Variants in NSD1 observed in about 807,000 individuals in gnomAD.
NSD1 encodes the protein nuclear receptor binding SET domain protein 1.
In NSD1, 26 loss-of-function variants were observed where a neutral mutation model predicts 242.7. That is an observed-to-expected ratio of 0.11 (90% CI 0.08 to 0.15). The LOEUF is 0.15. Among genes scored for constraint, NSD1 ranks in the 10% least tolerant of loss-of-function variants. The probability of loss-of-function intolerance (pLI) is 1.00; values close to 1 mark genes in which losing one functional copy is unlikely to be tolerated. For synonymous variants in NSD1, 1,106 were observed against 1,178.1 expected, an observed-to-expected ratio of 0.94 and a Z score of 1.25; for missense variants, 2,495 against 3,272.8, an observed-to-expected ratio of 0.76 and a Z score of 5.80.
At chr5:177,213,293 A>C (rs1193304004) in intron 5 of NSD1, among the ~76,000 whole-genome samples, 2 of 152,206 alleles carry the variant, frequency 1.3e-5, no homozygotes, top group Non-Finnish European at 2.9e-5. Context: ...TTTTTCTCTA[A>C]CAGCTTTATT....
intron 2 of NSD1, among the ~76,000 whole-genome samples, chr5:177,158,821 C>CAAAAAAAAAAAAAAAAAAAAAAAAAA (rs57206832): frequency 1.2e-5 from 1 of 80,336 alleles, no homozygotes; most frequent in Non-Finnish European, 2.4e-5. Context: ...GACTTCATCT[C>CAAAAAAAAAAAAAAAAAAAAAAAAAA]AAAAAAAAAA....
chr5:177,282,182 T>C (rs2127259800), intron 18 of NSD1, among the ~76,000 whole-genome samples: 1 of 152,322 alleles, frequency 6.6e-6, no homozygotes, highest in Middle Eastern at 3.4e-3. Context: ...CATCCATCTC[T>C]CTTTATAAGG....
intron 14 of NSD1, among the ~76,000 whole-genome samples, chr5:177,261,236 A>ATTTTTTTTTTTTTTTTTTTTTTTTTTTT (rs10652091): frequency 1.3e-5 from 1 of 74,754 alleles, no homozygotes; most frequent in Non-Finnish European, 2.8e-5. Context: ...TGCCCCACTA[A>ATTTTTTTTTTTTTTTTTTTTTTTTTTTT]TTTTTTTTTT....
At chr5:177,156,154 T>C (rs1489192748) in intron 2 of NSD1, among the ~76,000 whole-genome samples, 1 of 151,004 alleles carries the variant, frequency 6.6e-6, no homozygotes, top group Admixed American at 6.6e-5. Flanking sequence ...TCCTCCGTAC[T>C]CTTCCCTCGC....
At chr5:177,248,998 C>T (rs182549784) in intron 11 of NSD1, among the ~76,000 whole-genome samples, 5 of 152,198 alleles carry the variant, frequency 3.3e-5, no homozygotes, top group East Asian at 1.9e-4. Flanking sequence ...CTTTAAGCTC[C>T]GTTGGACTTG....
Position 177,298,657 on chromosome 5 carries a change from C to G in NSD1, c.*3198C>G, listed in dbSNP as rs567957985. ...ATTTTATTCTTTACATCCTTCACCCCACACTATGGTCAGGGCATGAAACAC... is the reference window on the plus strand; with the variant it reads ...ATTTTATTCTTTACATCCTTCACCCGACACTATGGTCAGGGCATGAAACAC... On this transcript the variant is annotated 3_prime_UTR_variant, in exon 23 of 23. Transcript: ENST00000439151. 1 of 233,306 alleles carries G rather than the reference C, an allele frequency of 4.3e-6. No individual in the cohort carries two copies. Among genetic ancestry groups the G allele is most frequent in the African/African-American group, 2.2e-5 (1 of 45,462 alleles). 14.5% of individuals were successfully genotyped at this position (233,306 alleles called of 1,614,324 possible).
chr5:177,265,592 G>T, intron 14 of NSD1: 1 of 1,314,392 alleles, frequency 7.6e-7, no homozygotes, highest in Non-Finnish European at 1.1e-6. Flanking sequence ...GTAGTCTGTG[G>T]AGCAGGACAG....
chr5:177,153,836 C>T (rs577851618), intron 2 of NSD1, among the ~76,000 whole-genome samples: 126 of 152,054 alleles, frequency 8.3e-4, no homozygotes, highest in Non-Finnish European at 1.5e-3. Context: ...AGTGTTTTTA[C>T]GACAATTTTT....
chr5:177,240,876 A>G (rs1390609050), intron 8 of NSD1, among the ~76,000 whole-genome samples: 3 of 151,646 alleles, frequency 2.0e-5, no homozygotes, highest in African/African-American at 7.3e-5. Context: ...AACCCCAGAA[A>G]ATGGTGTGGT....
In NSD1 at chr5:177,294,799, A is replaced by G. The variant is rs1393649961; in HGVS notation, c.7431A>G (p.Pro2477=). Reference sequence around the variant, plus strand: ...CAGCTTCACCTCATCAGGTCACACCACAGGCTGATGAGAAGATGCCAGTGT... The same window carrying G: ...CAGCTTCACCTCATCAGGTCACACCGCAGGCTGATGAGAAGATGCCAGTGT... ...ERAASPHQVT[P]QADEKMPVLE... The change falls in exon 23 of 23, where the codon CCA becomes CCG. Residue 2477 remains proline (P), a synonymous_variant. Coordinates refer to ENST00000439151, the MANE Select transcript of NSD1 (RefSeq NM_022455.5). 6.2e-7 allele frequency: 1 copy of G among 1,613,170 alleles called. No homozygotes were observed. Among genetic ancestry groups the G allele is most frequent in the Non-Finnish European group, 8.5e-7 (1 of 1,180,040 alleles).
At chr5:177,275,134 C>T (rs947662668) in intron 17 of NSD1, among the ~76,000 whole-genome samples, 51 of 151,144 alleles carry the variant, frequency 3.4e-4, no homozygotes, top group African/African-American at 1.1e-3. Flanking sequence ...AATATTGGAT[C>T]GAGCATAGTT....
intron 14 of NSD1, among the ~76,000 whole-genome samples, chr5:177,261,438 G>T (rs367588178): frequency 1.3e-5 from 2 of 151,694 alleles, no homozygotes; most frequent in African/African-American, 4.8e-5. Flanking sequence ...AACCTTTTAC[G>T]TATTTTCTTT....
chr5:177,260,039 T>G lies in NSD1; in HGVS notation c.5017T>G (p.Phe1673Val). 2 of 1,614,196 alleles carry G rather than the reference T, an allele frequency of 1.2e-6. No homozygotes were observed. Among genetic ancestry groups the G allele is most frequent in the Non-Finnish European group, 1.7e-6 (2 of 1,180,038 alleles). Residue 1673 changes from phenylalanine to valine, a missense_variant, in exon 14 of 23, where the codon TTT becomes GTT. Around this residue, in one of 19 missense-constraint regions of NSD1, gnomAD observed 31 missense variants for 120.2 expected, o/e 0.26. Transcript: ENST00000439151. ...TCCTGTGGCATACCACGCCAATGAC[T>G]TTTGCCTGGCTGCTGGGTCAAAGAT... ...RCPVAYHANDFCLAAGSKILA... is the reference protein window; with the variant it reads ...RCPVAYHANDVCLAAGSKILA...
chr5:177,244,531 G>A (rs968934743), intron 9 of NSD1, among the ~76,000 whole-genome samples: 2 of 152,160 alleles, frequency 1.3e-5, no homozygotes, highest in African/African-American at 4.8e-5. Flanking sequence ...TAGTATTCCT[G>A]TTTTATAGAA....
At chr5:177,231,821 C>G (rs1311236355) in intron 5 of NSD1, among the ~76,000 whole-genome samples, 1 of 152,064 alleles carries the variant, frequency 6.6e-6, no homozygotes, top group South Asian at 2.1e-4. Context: ...TATATTAAAT[C>G]TTATTCTCCT....
intron 3 of NSD1, among the ~76,000 whole-genome samples, chr5:177,195,453 G>C (rs1762032438): frequency 2.0e-5 from 3 of 150,742 alleles, no homozygotes; most frequent in Non-Finnish European, 4.4e-5. Flanking sequence ...TCATTAGGGT[G>C]TCTCTCTCTC....
At chr5:177,200,598 G>GT (rs547727396) in intron 3 of NSD1, among the ~76,000 whole-genome samples, 2 of 151,788 alleles carry the variant, frequency 1.3e-5, no homozygotes, top group Admixed American at 6.6e-5. Flanking sequence ...ACTGTTCTGT[G>GT]TTTTTTTTCC....
intron 14 of NSD1, chr5:177,265,094 A>G: frequency 1.3e-6 from 1 of 752,008 alleles, no homozygotes; most frequent in South Asian, 1.4e-5. Flanking sequence ...ATGTGAAGGA[A>G]AATGATCAGA....
chr5:177,164,349 G>A (rs910435611), intron 2 of NSD1, among the ~76,000 whole-genome samples: 3 of 151,724 alleles, frequency 2.0e-5, no homozygotes, highest in African/African-American at 4.8e-5. Context: ...TAGAGACAGG[G>A]TTTCACCATG....
Sources: gnomAD v4.1 joint callset for allele counts (sites outside exome capture counted in the v4.1 genomes callset) on GRCh38, gnomAD v4.1.1 for gene constraint, gnomAD v4.1.1 regional missense constraint, MANE v1.5 for transcripts, NCBI Gene and HGNC (gene_info 2026-07-23, HGNC 2026-07-21) for gene names.